The following XIRP2 variants were observed in gnomAD, a reference collection of about 807,000 sequenced individuals.
XIRP2 encodes the protein xin actin-binding repeat-containing protein 2.
In XIRP2, 236 loss-of-function variants were observed where a neutral mutation model predicts 277.0. The observed-to-expected ratio is 0.85, with a 90% CI of 0.77 to 0.95. The LOEUF is 0.95. XIRP2 is among the 40% of genes least tolerant of loss of function. The pLI, the probability that XIRP2 is intolerant of heterozygous loss-of-function variation, is 0.00. For synonymous variants in XIRP2, 1,490 were observed against 1,416.5 expected (o/e 1.05, Z -1.17); for missense variants, 4,640 against 4,157.5 (o/e 1.12, Z -3.19).
intron 2 of XIRP2, among the ~76,000 whole-genome samples, chr2:167,100,197 A>T (rs1690451584): frequency 6.6e-6 from 1 of 152,124 alleles, no homozygotes. Flanking sequence ...AAAATTACAA[A>T]ATCATATATG....
chr2:167,233,035 T>C (rs1203336905), intron 5 of XIRP2, among the ~76,000 whole-genome samples: 1 of 151,828 alleles, frequency 6.6e-6, no homozygotes, highest in Non-Finnish European at 1.5e-5. Flanking sequence ...TGATAGAAAA[T>C]ATAAATGAGG....
intron 5 of XIRP2, among the ~76,000 whole-genome samples, chr2:167,222,690 C>T (rs924196727): frequency 2.6e-5 from 4 of 152,128 alleles, no homozygotes; most frequent in Non-Finnish European, 4.4e-5. Context: ...TTGGGAAAAA[C>T]ATTCTAAATA....
intron 2 of XIRP2, among the ~76,000 whole-genome samples, chr2:166,959,414 G>C (rs1686246550): frequency 1.3e-5 from 2 of 151,846 alleles, no homozygotes; most frequent in Non-Finnish European, 2.9e-5. Context: ...TGTGTGATTA[G>C]ATTTTTAATC....
intron 2 of XIRP2, among the ~76,000 whole-genome samples, chr2:167,002,752 A>G (rs1374294677): frequency 6.6e-6 from 1 of 151,988 alleles, no homozygotes; most frequent in African/African-American, 2.4e-5. Context: ...TCTTAAACAT[A>G]GTAATTTTCA....
intron 2 of XIRP2, among the ~76,000 whole-genome samples, chr2:167,065,395 A>G (rs528537545): frequency 7.5e-4 from 114 of 151,880 alleles, no homozygotes; most frequent in African/African-American, 2.7e-3. Flanking sequence ...GGAGTTCTTT[A>G]TATATACTGG....
chr2:167,222,659 A>C (rs1233280339), intron 5 of XIRP2, among the ~76,000 whole-genome samples: 1 of 152,078 alleles, frequency 6.6e-6, no homozygotes, highest in Non-Finnish European at 1.5e-5. Flanking sequence ...CTTTTTATCC[A>C]CTCACTGTAA....
chr2:167,218,204 T>C lies in XIRP2; in HGVS notation c.762T>C (p.Gly254=), dbSNP rs1464946007. Residue 254 remains glycine (G), a synonymous_variant, in exon 5 of 11, where the codon GGT becomes GGC. Coordinates refer to ENST00000409195, the MANE Select transcript of XIRP2 (RefSeq NM_152381.6). ...CAGAAATGTGCGCAGTGCCTGGTGG[T>C]TTGGCCAAGGTGAAGAAACAATTTG... ...EESEMCAVPG[G]LAKVKKQFED... 5 of 1,606,548 alleles carry C rather than the reference T, an allele frequency of 3.1e-6. No homozygotes were observed. Among genetic ancestry groups the C allele is most frequent in the African/African-American group, 1.3e-5 (1 of 74,526 alleles).
intron 2 of XIRP2, among the ~76,000 whole-genome samples, chr2:167,044,631 C>T (rs1688743845): frequency 6.6e-6 from 1 of 151,990 alleles, no homozygotes; most frequent in Admixed American, 6.6e-5. Context: ...CCACTAATCT[C>T]CAAGCTGAGA....
intron 2 of XIRP2, among the ~76,000 whole-genome samples, chr2:167,088,549 A>G (rs1225737077): frequency 6.6e-6 from 1 of 152,156 alleles, no homozygotes; most frequent in Non-Finnish European, 1.5e-5. Flanking sequence ...CCAGATTTGA[A>G]ACCTCAGTAC....
At chr2:166,947,419 T>G (rs750031943) in intron 2 of XIRP2, among the ~76,000 whole-genome samples, 1 of 152,216 alleles carries the variant, frequency 6.6e-6, no homozygotes, top group South Asian at 2.1e-4. Flanking sequence ...TTCCCTCAAA[T>G]GCAGAATATG....
At chr2:167,164,302 C>T (rs1573926661) in intron 3 of XIRP2, among the ~76,000 whole-genome samples, 1 of 145,844 alleles carries the variant, frequency 6.9e-6, no homozygotes, top group African/African-American at 2.6e-5. Context: ...AAAAATTAGC[C>T]GGGCGTGTTA....
At chr2:167,141,833 C>G (rs1191226789) in intron 3 of XIRP2, among the ~76,000 whole-genome samples, 1 of 151,998 alleles carries the variant, frequency 6.6e-6, no homozygotes, top group Non-Finnish European at 1.5e-5. Flanking sequence ...TGCACTCCAG[C>G]CTGGGTGACA....
intron 2 of XIRP2, among the ~76,000 whole-genome samples, chr2:167,027,092 A>C (rs894264139): frequency 1.3e-5 from 2 of 152,180 alleles, no homozygotes; most frequent in Non-Finnish European, 2.9e-5. Context: ...AATATCCTGC[A>C]GAGTGTTTTC....
intron 2 of XIRP2, among the ~76,000 whole-genome samples, chr2:166,904,249 G>A (rs1684461474): frequency 6.6e-6 from 1 of 152,070 alleles, no homozygotes; most frequent in Non-Finnish European, 1.5e-5. Flanking sequence ...GTTGCTTTTA[G>A]CCAAAGCTCC....
At chr2:167,240,301 GCT>G (rs1450691604) in intron 6 of XIRP2, among the ~76,000 whole-genome samples, 8 of 151,966 alleles carry the variant, frequency 5.3e-5, no homozygotes, top group Admixed American at 1.3e-4. Context: ...TGTAATCCCA[GCT>G]ACTCGGGGGG....
chr2:167,026,238 T>C (rs1688153959), intron 2 of XIRP2, among the ~76,000 whole-genome samples: 1 of 152,202 alleles, frequency 6.6e-6, no homozygotes, highest in Non-Finnish European at 1.5e-5. Context: ...TTGAGCTTTG[T>C]TGGTTTGAAG....
Position 166,995,311 on chromosome 2 carries a change from TCA to T in XIRP2, c.408+91422_408+91423del, listed in dbSNP as rs1687188316. 2.6e-5 allele frequency among the ~76,000 whole-genome samples: 4 copies of T among 152,244 alleles called. No individual in the cohort carries two copies. The South Asian group carries it at 8.3e-4, about 31-fold the overall frequency. On this transcript the variant is annotated intron_variant, in intron 2 of 10. Coordinates refer to ENST00000409195, the MANE Select transcript of XIRP2 (RefSeq NM_152381.6). ...TTGCGTGGCTGAGCCCTACTGAATT[TCA>T]TCTTTAAGGCAAAAACGTTAGTGAC... is the stretch of plus-strand genomic sequence containing the variant.
At chr2:167,126,722 A>G (rs1243115942) in intron 2 of XIRP2, among the ~76,000 whole-genome samples, 1 of 152,158 alleles carries the variant, frequency 6.6e-6, no homozygotes, top group African/African-American at 2.4e-5. Flanking sequence ...ATGGGGGCTG[A>G]CAGCAGTGAT....
At chr2:167,145,392 A>T (rs1691834151) in intron 3 of XIRP2, among the ~76,000 whole-genome samples, 1 of 152,306 alleles carries the variant, frequency 6.6e-6, no homozygotes, top group African/African-American at 2.4e-5. Context: ...GAGGAAGGGG[A>T]ATTATTAAAG....
Sources: gnomAD v4.1 joint callset for allele counts (sites outside exome capture counted in the v4.1 genomes callset) on GRCh38, gnomAD v4.1.1 for gene constraint, MANE v1.5 for transcripts, NCBI Gene and HGNC (gene_info 2026-07-23, HGNC 2026-07-21) for gene names.